Variants in PDE8B observed in about 807,000 individuals in gnomAD.
PDE8B encodes high affinity cAMP-specific and IBMX-insensitive 3',5'-cyclic phosphodiesterase 8B.
In PDE8B, 26 loss-of-function variants were observed where a neutral mutation model predicts 101.3. That is an observed-to-expected ratio of 0.26 (90% CI 0.19 to 0.36). The LOEUF is 0.36. Ranked by LOEUF, PDE8B falls within the 10% of genes least tolerant of loss-of-function variation. The pLI, the probability that PDE8B is intolerant of heterozygous loss-of-function variation, is 1.00. For synonymous variants in PDE8B, 424 were observed against 429.3 expected, an observed-to-expected ratio of 0.99 and a Z score of 0.15; for missense variants, 810 against 1,163.1, an observed-to-expected ratio of 0.70 and a Z score of 4.42.
intron 10 of PDE8B, among the ~76,000 whole-genome samples, chr5:77,372,905 A>G (rs1785314465): frequency 6.6e-6 from 1 of 152,198 alleles, no homozygotes; most frequent in Non-Finnish European, 1.5e-5. Context: ...GCGTGCCGCT[A>G]TAATCCCAGC....
chr5:77,398,109 C>T (rs1791457218), intron 10 of PDE8B, among the ~76,000 whole-genome samples: 1 of 151,870 alleles, frequency 6.6e-6, no homozygotes, highest in Non-Finnish European at 1.5e-5. Context: ...TTTTTAGATC[C>T]CTCGTGTGGC....
the PDE8B span, among the ~76,000 whole-genome samples, chr5:77,159,315 G>T: frequency 1.3e-5 from 2 of 152,230 alleles, 1 homozygote; most frequent in African/African-American, 4.8e-5. Flanking sequence ...TCGGTGGGCT[G>T]CGGGAGGCAG....
At chr5:77,197,759 C>T in the PDE8B span, among the ~76,000 whole-genome samples, 6,046 of 152,158 alleles carry the variant, frequency 0.04, 397 homozygotes, top group African/African-American at 0.13. Context: ...ATCTTTTCTT[C>T]TGTTGTGTCT....
intron 6 of PDE8B, among the ~76,000 whole-genome samples, chr5:77,339,644 C>G (rs1180184434): frequency 6.6e-6 from 1 of 152,146 alleles, no homozygotes; most frequent in Non-Finnish European, 1.5e-5. Context: ...AAATGAGGCT[C>G]TTTATTATAC....
intron 2 of PDE8B, among the ~76,000 whole-genome samples, chr5:77,319,675 G>A (rs2150184305): frequency 1.3e-5 from 2 of 152,312 alleles, no homozygotes; most frequent in South Asian, 4.1e-4. Context: ...CATAAATGAG[G>A]ACAGCGGTGT....
At chr5:77,177,907 T>C in the PDE8B span, among the ~76,000 whole-genome samples, 1 of 152,268 alleles carries the variant, frequency 6.6e-6, no homozygotes, top group Non-Finnish European at 1.5e-5. Flanking sequence ...TTTAATATTT[T>C]TGGACCACTG....
At chr5:77,132,586 C>A in the PDE8B span, among the ~76,000 whole-genome samples, 1 of 152,114 alleles carries the variant, frequency 6.6e-6, no homozygotes. Flanking sequence ...TGTATCTTTC[C>A]ACTCAGTCAA....
chr5:77,091,284 C>T, the PDE8B span, among the ~76,000 whole-genome samples: 1 of 152,090 alleles, frequency 6.6e-6, no homozygotes, highest in Non-Finnish European at 1.5e-5. Flanking sequence ...TCAAAATATC[C>T]CATGCACCCC....
At chr5:77,190,956 C>T in the PDE8B span, among the ~76,000 whole-genome samples, 1 of 152,198 alleles carries the variant, frequency 6.6e-6, no homozygotes, top group African/African-American at 2.4e-5. Flanking sequence ...GCTTAAACAA[C>T]AGATACTCAT....
In PDE8B at chr5:77,344,937, G is replaced by C. The variant is rs1414705964; in HGVS notation, c.876+6G>C. On this transcript the variant is annotated splice_donor_region_variant and intron_variant, in intron 7 of 21. Transcript: ENST00000264917. ...GCGATGACCACGTGATTCAGGTATG[G>C]AAAGAAACCACCTCTATCATTAACA... 2 of 1,578,170 alleles carry C rather than the reference G, an allele frequency of 1.3e-6. No homozygotes were observed. Among genetic ancestry groups the C allele is most frequent in the Non-Finnish European group, 1.7e-6 (2 of 1,147,348 alleles).
chr5:77,259,015 TC>T, intron 1 of PDE8B, among the ~76,000 whole-genome samples: 2 of 151,676 alleles, frequency 1.3e-5, no homozygotes, highest in African/African-American at 4.8e-5. Context: ...TGGTTATTTT[TC>T]TGTTCCCTGC....
chr5:77,407,591 C>T (rs749301513), intron 13 of PDE8B, 134 bp downstream of exon 13: 4 of 714,002 alleles, frequency 5.6e-6, no homozygotes, highest in Non-Finnish European at 1.0e-5. Context: ...AAACACATAG[C>T]AAATAAACAC....
At chr5:77,385,799 T>TTG (rs1554095027) in intron 10 of PDE8B, among the ~76,000 whole-genome samples, 1 of 147,168 alleles carries the variant, frequency 6.8e-6, no homozygotes, top group Non-Finnish European at 1.5e-5. Context: ...AGTGAGGTTT[T>TTG]TTTTTTTTTT....
chr5:77,379,215 A>G (rs115531323), intron 10 of PDE8B, among the ~76,000 whole-genome samples: 497 of 152,342 alleles, frequency 3.3e-3, no homozygotes, highest in African/African-American at 0.012. Flanking sequence ...CTGGCATTGC[A>G]CAGGAAAATG....
chr5:77,332,314 C>G (rs767892607), intron 5 of PDE8B, among the ~76,000 whole-genome samples: 1 of 152,048 alleles, frequency 6.6e-6, no homozygotes, highest in South Asian at 2.1e-4. Context: ...TAAAAGGTTT[C>G]CCTTAGGAGA....
chr5:77,162,991 AAT>A, the PDE8B span, among the ~76,000 whole-genome samples: 1 of 152,222 alleles, frequency 6.6e-6, no homozygotes, highest in African/African-American at 2.4e-5. Context: ...CTTGACTTCA[AAT>A]ATAGAAGACA....
intron 1 of PDE8B, among the ~76,000 whole-genome samples, chr5:77,234,636 C>A (rs1006848571): frequency 6.6e-6 from 1 of 152,136 alleles, no homozygotes; most frequent in Admixed American, 6.5e-5. Context: ...TCCAGTCTGG[C>A]CTTCCCTACA....
chr5:77,291,437 C>A, intron 1 of PDE8B: 2 of 1,611,474 alleles, frequency 1.2e-6, no homozygotes, highest in East Asian at 2.2e-5. Context: ...CAGGTCTTGC[C>A]CACGATGCAT....
intron 10 of PDE8B, among the ~76,000 whole-genome samples, chr5:77,377,913 C>T (rs1786484255): frequency 6.6e-6 from 1 of 152,050 alleles, no homozygotes; most frequent in Non-Finnish European, 1.5e-5. Flanking sequence ...CTCAGACTTG[C>T]AGACATCGTA....
Sources: gnomAD v4.1 joint callset for allele counts (sites outside exome capture counted in the v4.1 genomes callset) on GRCh38, gnomAD v4.1.1 for gene constraint, MANE v1.5 for transcripts, NCBI Gene and HGNC (gene_info 2026-07-23, HGNC 2026-07-21) for gene names.